KIF1A: variants seen among roughly 807,000 people sequenced by gnomAD.
KIF1A encodes the protein kinesin-like protein KIF1A.
In KIF1A, 46 loss-of-function variants were observed where a neutral mutation model predicts 227.3. That is an observed-to-expected ratio of 0.20 (90% CI 0.16 to 0.26). KIF1A has a LOEUF of 0.26. Ranked by LOEUF, KIF1A falls within the 10% of genes least tolerant of loss-of-function variation. KIF1A has a pLI of 1.00. For synonymous variants in KIF1A, 1,022 were observed against 1,012.8 expected, an observed-to-expected ratio of 1.01 and a Z score of -0.17; for missense variants, 1,683 against 2,485.9, an observed-to-expected ratio of 0.68 and a Z score of 6.87.
intron 14 of KIF1A, 49 bp downstream of exon 14, chr2:240,772,521 G>C (rs765245805): frequency 9.2e-6 from 14 of 1,515,068 alleles, no homozygotes; most frequent in Non-Finnish European, 1.3e-5. Context: ...CCCTCATGCT[G>C]GCTGGGGCTG....
chr2:240,738,692 C>T (rs992485303), intron 37 of KIF1A, among the ~76,000 whole-genome samples: 2 of 152,260 alleles, frequency 1.3e-5, no homozygotes, highest in Admixed American at 1.3e-4. Flanking sequence ...CATCCCTGAT[C>T]ACCCAACCCC....
intron 44 of KIF1A, 118 bp downstream of exon 44, chr2:240,721,688 TG>T (rs1480744412): frequency 1.2e-6 from 1 of 821,942 alleles, no homozygotes; most frequent in Non-Finnish European, 2.0e-6. Context: ...CACTGAGACG[TG>T]TTCCTAGGAA....
rs2055910193 is a variant in KIF1A, at chr2:240,792,988, G to T, written c.107-3676C>A. ...ATATGCTGTTTAAGACGCCCACTCT[G>T]CAGCGCACCTGGACCTCCGAGTCTG... On this transcript the variant is annotated intron_variant, in intron 2 of 48. Transcript: ENST00000498729. This position sits in a 1 kb window ranked among gnomAD's most constrained non-coding sequence, Gnocchi z 4.5. Among the ~76,000 whole-genome samples the T allele has an allele frequency of 6.6e-6, 1 of 152,214 alleles. No homozygotes were observed. Among genetic ancestry groups the T allele is most frequent in the East Asian group, 1.9e-4 (1 of 5,180 alleles).
intron 1 of KIF1A, among the ~76,000 whole-genome samples, chr2:240,815,994 GT>G (rs1164639177): frequency 2.6e-5 from 4 of 152,120 alleles, no homozygotes; most frequent in African/African-American, 9.7e-5. Flanking sequence ...GAAACCTATG[GT>G]TGTGGAGGGG....
At chr2:240,796,072 G>A (rs2056361443) in intron 2 of KIF1A, among the ~76,000 whole-genome samples, 1 of 152,196 alleles carries the variant, frequency 6.6e-6, no homozygotes, top group African/African-American at 2.4e-5. Flanking sequence ...CAATGACACA[G>A]CAAAGCCTGT....
In KIF1A at chr2:240,745,816, T is replaced by A; in HGVS notation, c.3296A>T (p.Asn1099Ile). 6.2e-7 allele frequency: 1 copy of A among 1,612,930 alleles called. No individual in the cohort carries two copies. Among genetic ancestry groups the A allele is most frequent in the Non-Finnish European group, 8.5e-7 (1 of 1,179,690 alleles). The change falls in exon 31 of 49, where the codon AAC (asparagine) becomes ATC (isoleucine). Residue 1099 changes from asparagine (N) to isoleucine (I), a missense_variant. By Grantham distance (149) the Asn-to-Ile change is moderately radical. Coordinates refer to ENST00000498729, the MANE Select transcript of KIF1A (RefSeq NM_001244008.2). ...DAALDHLRLGNTFTFRVTVLQ... is the reference protein window; with the variant it reads ...DAALDHLRLGITFTFRVTVLQ... ...GACTGTCACACGGAAGGTGAAGGTG[T>A]TGCCCAGGCGGAGGTGGTCCAGGGC...
Position 240,758,833 on chromosome 2 carries a change from C to T in KIF1A, c.2445-336G>A, listed in dbSNP as rs1261353717. Among the ~76,000 whole-genome samples the T allele has an allele frequency of 6.6e-6, 1 of 152,080 alleles. No individual in the cohort carries two copies. The highest frequency in any genetic ancestry group is 1.5e-5 in the Non-Finnish European group (1 of 68,024). ...CTGGCGGAGAGGTGGGAAGAGAACC[C>T]AAGTGAAGCTCAGAAACGGGGATCA... On this transcript the variant is annotated intron_variant, in intron 25 of 48. Coordinates refer to ENST00000498729, the MANE Select transcript of KIF1A (RefSeq NM_001244008.2). The surrounding 1 kb of genome is among the most constrained non-coding windows in gnomAD (Gnocchi z 5.2).
rs778107032 is a variant in KIF1A, at chr2:240,797,744, C to T, written c.9G>A (p.Gly3=). The T allele has an allele frequency of 6.2e-7, 1 of 1,609,468 alleles. No homozygotes were observed. Among genetic ancestry groups the T allele is most frequent in the African/African-American group, 1.3e-5 (1 of 74,922 alleles). MA[G]ASVKVAVRVR... The stretch of plus-strand genomic sequence containing the variant: ...CCCGCACCGCCACCTTCACCGAAGC[C>T]CCGGCCATCTCTGTGGCCTTCGTGG... The change falls in exon 2 of 49, where the codon GGG becomes GGA. Residue 3 remains glycine, a synonymous_variant. Coordinates refer to ENST00000498729, the MANE Select transcript of KIF1A (RefSeq NM_001244008.2).
intron 1 of KIF1A, among the ~76,000 whole-genome samples, chr2:240,811,546 G>A (rs1156855808): frequency 1.3e-5 from 2 of 151,600 alleles, no homozygotes; most frequent in Admixed American, 1.3e-4. Context: ...AAGGCGGGGG[G>A]TTGCGGTCCA....
chr2:240,732,955 T>A (rs1575539731), intron 38 of KIF1A, among the ~76,000 whole-genome samples: 1 of 101,534 alleles, frequency 9.8e-6, no homozygotes, highest in African/African-American at 4.0e-5. Flanking sequence ...GGGTAAGAGA[T>A]GAGGAATGGA....
intron 12 of KIF1A, 98 bp downstream of exon 12, chr2:240,774,085 C>T (rs1169836444): frequency 4.2e-6 from 3 of 713,774 alleles, no homozygotes; most frequent in African/African-American, 1.8e-5. Flanking sequence ...CACAAAGAGT[C>T]GCCCCTGGTC....
chr2:240,745,701 T>C (rs752602379), intron 31 of KIF1A, 37 bp downstream of exon 31: 21 of 1,599,574 alleles, frequency 1.3e-5, no homozygotes, highest in Non-Finnish European at 1.7e-5. Flanking sequence ...ACAGAGTCCC[T>C]GCGCAGCGCA....
At chr2:240,821,244 T>G (rs2058686280), upstream of KIF1A, among the ~76,000 whole-genome samples, 1 of 152,340 alleles carries the variant, frequency 6.6e-6, no homozygotes, top group Non-Finnish European at 1.5e-5. Context: ...TGGCGTCGCC[T>G]GGCTAAGCCT....
chr2:240,763,167 T>G lies in KIF1A; in HGVS notation c.1948A>C (p.Arg650=). The change falls in exon 21 of 49, where the codon AGG becomes CGG. Residue 650 remains arginine (R), a splice_region_variant and synonymous_variant. Coordinates refer to ENST00000498729, the MANE Select transcript of KIF1A (RefSeq NM_001244008.2). The part of the protein sequence containing the change: ...GIDMKQEMEQ[R]LQELEDQYRR... ...AGTTGGGGGTGGCCTCCGCCTCACC[T>G]CTGCTCCATCTCCTGCTTCATGTCG... The G allele has an allele frequency of 1.2e-6, 2 of 1,610,282 alleles. No individual in the cohort carries two copies. Among genetic ancestry groups the G allele is most frequent in the Non-Finnish European group, 8.5e-7 (1 of 1,179,606 alleles).
chr2:240,764,920 CGAGTTCCCAGCCTGCCCT>C (rs1190212534), intron 20 of KIF1A, among the ~76,000 whole-genome samples: 2 of 151,242 alleles, frequency 1.3e-5, no homozygotes. Context: ...CAGCCTGCCC[CGAGTTCCCAGCCTGCCCT>C]GAGTTCCCAG....
chr2:240,743,517 G>C (rs997259718), intron 33 of KIF1A, among the ~76,000 whole-genome samples: 1 of 152,174 alleles, frequency 6.6e-6, no homozygotes, highest in Non-Finnish European at 1.5e-5. Flanking sequence ...AAGTCTCTCT[G>C]AGCCCCCATT....
chr2:240,720,212 C>T (rs1309791638), intron 45 of KIF1A: 8 of 326,458 alleles, frequency 2.5e-5, no homozygotes, highest in East Asian at 1.5e-4. Context: ...CCCAGTGGCT[C>T]TCCTGCCCCC....
At chr2:240,812,956 A>ACCTCGGGGATCCGCCTTCACCTCGG (rs1559550038) in intron 1 of KIF1A, among the ~76,000 whole-genome samples, 4 of 60,274 alleles carry the variant, frequency 6.6e-5, no homozygotes, top group African/African-American at 2.3e-4. Context: ...CTTCACCTCA[A>ACCTCGGGGATCCGCCTTCACCTCGG]GGATCCACCT....
chr2:240,821,134 ACTGCG>A (rs1450601621), upstream of KIF1A, among the ~76,000 whole-genome samples: 2 of 152,090 alleles, frequency 1.3e-5, no homozygotes, highest in African/African-American at 2.4e-5. Context: ...ACCTCCCCGC[ACTGCG>A]GTGCGGGGGT....
Sources: gnomAD v4.1 joint callset for allele counts (sites outside exome capture counted in the v4.1 genomes callset) on GRCh38, gnomAD v4.1.1 for gene constraint, Gnocchi (gnomAD v3.1) non-coding constraint, MANE v1.5 for transcripts, NCBI Gene and HGNC (gene_info 2026-07-23, HGNC 2026-07-21) for gene names.